Variants in PCDHGB5 observed in about 807,000 individuals in gnomAD.
PCDHGB5 encodes the protein protocadherin gamma subfamily B, 5.
A neutral mutation model predicts 62.9 loss-of-function variants in PCDHGB5; 48 were observed. The observed-to-expected ratio is 0.76, with a 90% CI of 0.61 to 0.97. The LOEUF (loss-of-function observed/expected upper bound fraction) is 0.97. Ranked by LOEUF, PCDHGB5 falls within the 50% of genes least tolerant of loss-of-function variation. The probability of loss-of-function intolerance (pLI) is 0.00; values close to 1 mark genes in which losing one functional copy is unlikely to be tolerated. For missense variants in PCDHGB5, 1,118 were observed against 1,198.6 expected (o/e 0.93, Z 0.99); for synonymous variants, 474 against 511.2 (o/e 0.93, Z 0.98).
intron 1 of PCDHGB5, chr5:141,421,126 T>G: frequency 1.2e-6 from 1 of 805,588 alleles, no homozygotes; most frequent in Non-Finnish European, 1.9e-6. Context: ...CTTCGCTTTC[T>G]GATATATTTT....
At position 141,431,141 on chromosome 5, in the gene PCDHGB5, G is replaced by C. The variant is rs1262504427; in HGVS notation, c.2397+30617G>C. 1 of 1,614,094 alleles carries C rather than the reference G, an allele frequency of 6.2e-7. No individual in the cohort carries two copies. The highest frequency in any genetic ancestry group is 2.2e-5 in the East Asian group (1 of 44,896). On this transcript the variant is annotated intron_variant, in intron 1 of 3. Coordinates refer to ENST00000617380, the MANE Select transcript of PCDHGB5 (RefSeq NM_018925.3). The surrounding 1 kb of genome is among the most constrained non-coding windows in gnomAD (Gnocchi z 4.8). The stretch of plus-strand genomic sequence containing the variant: ...AGAAGTAGAAGTAAGGGACATTAAC[G>C]ACAATGCGCCTTACTTTCGTGAAAG...
intron 1 of PCDHGB5, chr5:141,414,518 A>G (rs746198767): frequency 1.9e-6 from 3 of 1,614,000 alleles, no homozygotes; most frequent in Non-Finnish European, 2.5e-6. Flanking sequence ...CAAGTGGCAG[A>G]TATCAATGAC....
Position 141,399,606 on chromosome 5 carries a change from G to A in PCDHGB5, c.1479G>A (p.Glu493=). Residue 493 remains glutamate, a synonymous_variant, in exon 1 of 4, where the codon GAG becomes GAA. Transcript: ENST00000617380. ...ACTCTATCATGGCCAGCGACCTAGA[G>A]CCTCTGGCACTGGCCTCTTACGTGT... The part of the protein sequence containing the change: ...VSYSIMASDL[E]PLALASYVSM... 1.2e-6 allele frequency: 2 copies of A among 1,613,956 alleles called. No homozygotes were observed. Among genetic ancestry groups the A allele is most frequent in the Non-Finnish European group, 1.7e-6 (2 of 1,179,884 alleles).
intron 1 of PCDHGB5, chr5:141,409,600 G>T (rs778681839): frequency 6.8e-6 from 11 of 1,613,882 alleles, no homozygotes; most frequent in Admixed American, 1.7e-5. Flanking sequence ...AGAACAACCC[G>T]CCAGGAGCCT....
At chr5:141,473,884 G>T (rs1162382168) in intron 1 of PCDHGB5, among the ~76,000 whole-genome samples, 1 of 152,162 alleles carries the variant, frequency 6.6e-6, no homozygotes, top group African/African-American at 2.4e-5. Context: ...ATACACAAGG[G>T]TTCTGTTGGT....
intron 1 of PCDHGB5, chr5:141,408,762 A>G (rs369793035): frequency 1.9e-5 from 30 of 1,610,942 alleles, no homozygotes; most frequent in Non-Finnish European, 2.3e-5. Flanking sequence ...GTTAATTCCG[A>G]TGGTGGCAAA....
In PCDHGB5 at chr5:141,404,943, TAGCTGAC is replaced by T. The variant is rs770372146; in HGVS notation, c.2397+4423_2397+4429del. On this transcript the variant is annotated intron_variant, in intron 1 of 3. Transcript: ENST00000617380. ...GCCACTGTCACGCTCACAGTAGCCA[TAGCTGAC>T]AGCATCCCAGACATCCTGGCTGACC... 24 of 1,613,914 alleles carry T rather than the reference TAGCTGAC, an allele frequency of 1.5e-5. No individual in the cohort carries two copies. In the East Asian group the frequency reaches 4.0e-4, roughly 27 times the overall value.
intron 1 of PCDHGB5, chr5:141,413,663 AT>A (rs1344545568): frequency 6.2e-7 from 1 of 1,613,844 alleles, no homozygotes; most frequent in African/African-American, 1.3e-5. Flanking sequence ...GAAGCTATTG[AT>A]CCGGATGTGG....
chr5:141,409,628 G>T (rs367728235), intron 1 of PCDHGB5: 1 of 1,613,848 alleles, frequency 6.2e-7, no homozygotes. Flanking sequence ...GCAAGTGAGC[G>T]CCTCTGACCC....
Position 141,486,824 on chromosome 5 carries a change from G to A in PCDHGB5, c.2398-7983G>A, listed in dbSNP as rs749609525. On this transcript the variant is annotated intron_variant, in intron 1 of 3. Coordinates refer to ENST00000617380, the MANE Select transcript of PCDHGB5 (RefSeq NM_018925.3). The surrounding 1 kb of genome is among the most constrained non-coding windows in gnomAD (Gnocchi z 5.0). ...CCCACCCCTTAGCAGCACTGTAACA[G>A]TTCGTCTATTTGTGCTGGACCTCAA... is the stretch of plus-strand genomic sequence containing the variant. 1 of 1,614,218 alleles carries A rather than the reference G, an allele frequency of 6.2e-7. No homozygotes were observed. Among genetic ancestry groups the A allele is most frequent in the Non-Finnish European group, 8.5e-7 (1 of 1,180,028 alleles).
At chr5:141,419,757 G>A (rs1468216226) in intron 1 of PCDHGB5, 5 of 1,613,876 alleles carry the variant, frequency 3.1e-6, no homozygotes, top group African/African-American at 1.3e-5. Flanking sequence ...CGTGCTTTGG[G>A]TGACAAGGAC....
intron 1 of PCDHGB5, chr5:141,411,426 A>T (rs115154023): frequency 6.6e-6 from 1 of 151,648 alleles, no homozygotes; most frequent in Non-Finnish European, 1.5e-5. Flanking sequence ...ACAACAACAA[A>T]AAAAAACATT....
chr5:141,502,487 C>A (rs563658817), intron 2 of PCDHGB5, among the ~76,000 whole-genome samples: 1 of 152,182 alleles, frequency 6.6e-6, no homozygotes, highest in Non-Finnish European at 1.5e-5. Context: ...CACACTGGGA[C>A]TCATCTAACG....
Position 141,490,051 on chromosome 5 carries a change from G to C in PCDHGB5, c.2398-4756G>C, listed in dbSNP as rs779280988. 1 of 1,614,214 alleles carries C rather than the reference G, an allele frequency of 6.2e-7. No individual in the cohort carries two copies. The highest frequency in any genetic ancestry group is 1.1e-5 in the South Asian group (1 of 91,082). On this transcript the variant is annotated intron_variant, in intron 1 of 3. Coordinates refer to ENST00000617380, the MANE Select transcript of PCDHGB5 (RefSeq NM_018925.3). The surrounding 1 kb of genome is among the most constrained non-coding windows in gnomAD (Gnocchi z 5.4). Reference sequence around the variant, plus strand: ...CCGCCTCAATGCCACTGATCCAGACGAGGGCACCAACGGCCAACTAGACTA... The same window carrying C: ...CCGCCTCAATGCCACTGATCCAGACCAGGGCACCAACGGCCAACTAGACTA...
chr5:141,440,373 G>A (rs866892003), intron 1 of PCDHGB5: 2 of 152,214 alleles, frequency 1.3e-5, no homozygotes, highest in Non-Finnish European at 2.9e-5. Context: ...GGCCGAGGCA[G>A]GAGAATCGCT....
At chr5:141,420,369 T>C in intron 1 of PCDHGB5, 2 of 1,349,364 alleles carry the variant, frequency 1.5e-6, no homozygotes, top group Non-Finnish European at 2.0e-6. Flanking sequence ...AGATAACTTC[T>C]TCATAGAGTT....
At position 141,408,540 on chromosome 5, in the gene PCDHGB5, C is replaced by T. The variant is rs201370009; in HGVS notation, c.2397+8016C>T. On this transcript the variant is annotated intron_variant, in intron 1 of 3. Transcript: ENST00000617380. ...CAATTGGAAGCTGTGGTGGAAAATCCTTTAAATATTTTTCATGTCATTGTG... is the reference window on the plus strand; with the variant it reads ...CAATTGGAAGCTGTGGTGGAAAATCTTTTAAATATTTTTCATGTCATTGTG... The T allele has an allele frequency of 1.6e-3, 2,593 of 1,614,046 alleles. 3 individuals are homozygous for T. Among genetic ancestry groups the T allele is most frequent in the Middle Eastern group, 4.5e-3 (27 of 6,062 alleles).
intron 1 of PCDHGB5, chr5:141,410,816 A>G (rs2095424614): frequency 1.8e-6 from 1 of 550,516 alleles, no homozygotes; most frequent in African/African-American, 2.1e-5. Flanking sequence ...TTTGTAAAAT[A>G]ATGTCACCAG....
chr5:141,404,965 C>A, intron 1 of PCDHGB5: 1 of 1,614,030 alleles, frequency 6.2e-7, no homozygotes, highest in Non-Finnish European at 8.5e-7. Context: ...TCCCAGACAT[C>A]CTGGCTGACC....
Sources: allele counts gnomAD v4.1 joint callset (sites outside exome capture counted in the v4.1 genomes callset), GRCh38; gene constraint gnomAD v4.1.1; non-coding constraint Gnocchi (gnomAD v3.1); transcripts MANE v1.5; gene names NCBI Gene and HGNC (gene_info 2026-07-23, HGNC 2026-07-21).